The following FAIM2 variants were observed in gnomAD, a reference collection of about 807,000 sequenced individuals.
The protein encoded by FAIM2 is Fas apoptotic inhibitory molecule 2.
Under a neutral mutation model 47.4 loss-of-function variants are expected in FAIM2, and 27 were observed. The ratio of observed to expected loss-of-function variants is 0.57; its 90% CI spans 0.42 to 0.78. The LOEUF (loss-of-function observed/expected upper bound fraction) is 0.78, where lower values mean the gene tolerates loss of function less well. Among genes scored for constraint, FAIM2 ranks in the 30% least tolerant of loss-of-function variants. The pLI, the probability that FAIM2 is intolerant of heterozygous loss-of-function variation, is 0.00. For missense variants in FAIM2, 311 were observed against 389.4 expected, an observed-to-expected ratio of 0.80 and a Z score of 1.69; for synonymous variants, 156 against 159.3, an observed-to-expected ratio of 0.98 and a Z score of 0.16.
chr12:49,875,424 A>AGGGTGAGG (rs1946729531), intron 11 of FAIM2, among the ~76,000 whole-genome samples: 1 of 151,992 alleles, frequency 6.6e-6, no homozygotes, highest in African/African-American at 2.4e-5. Context: ...GCTGCAGGAG[A>AGGGTGAGG]GGGTGAGGGG....
Position 49,878,758 on chromosome 12 carries a change from ATATT to A in FAIM2, c.802-8109_802-8106del, listed in dbSNP as rs371143855. 1.2e-3 allele frequency among the ~76,000 whole-genome samples: 134 copies of A among 109,800 alleles called. 20 individuals carry two copies. Among genetic ancestry groups the A allele is most frequent in the Middle Eastern group, 5.3e-3 (1 of 188 alleles). 72.0% of individuals were successfully genotyped at this position (109,800 alleles called of 152,430 possible). A position where few individuals can be genotyped will look rare whatever the true frequency, so the allele number is the denominator to read the frequency against. On this transcript the variant is annotated intron_variant, in intron 11 of 11. Coordinates refer to ENST00000320634, the MANE Select transcript of FAIM2 (RefSeq NM_012306.4). The stretch of plus-strand genomic sequence containing the variant: ...TGTGAGTGTATATGCATATGTGTAT[ATATT>A]TATTTGTGTGCATGAGTGTATGTGT...
chr12:49,896,347 C>T (rs779768686), intron 5 of FAIM2, among the ~76,000 whole-genome samples: 9 of 152,090 alleles, frequency 5.9e-5, no homozygotes, highest in African/African-American at 1.2e-4. Flanking sequence ...AGTTACTGGC[C>T]GGGTTCCTCA....
At chr12:49,880,877 TGTGA>T (rs1391389089) in intron 11 of FAIM2, among the ~76,000 whole-genome samples, 1 of 74,724 alleles carries the variant, frequency 1.3e-5, no homozygotes, top group Non-Finnish European at 2.5e-5. Context: ...TATGCGTGAA[TGTGA>T]GTGTGTGTGT....
intron 11 of FAIM2, among the ~76,000 whole-genome samples, chr12:49,879,596 G>A (rs1168031719): frequency 6.6e-6 from 1 of 151,750 alleles, no homozygotes; most frequent in African/African-American, 2.4e-5. Flanking sequence ...GTATTTGTGT[G>A]CATGCGAGTG....
chr12:49,875,133 G>T (rs1434107253), intron 11 of FAIM2, among the ~76,000 whole-genome samples: 3 of 152,138 alleles, frequency 2.0e-5, no homozygotes, highest in Non-Finnish European at 4.4e-5. Flanking sequence ...TGAAATATGT[G>T]AATAAATGTA....
chr12:49,900,594 G>C (rs1424887872), intron 2 of FAIM2, among the ~76,000 whole-genome samples: 2 of 152,114 alleles, frequency 1.3e-5, no homozygotes, highest in Non-Finnish European at 2.9e-5. Flanking sequence ...ACGGGCTCGG[G>C]GAAGGGAACA....
intron 2 of FAIM2, among the ~76,000 whole-genome samples, chr12:49,899,197 G>A (rs900304010): frequency 3.9e-5 from 6 of 152,146 alleles, no homozygotes; most frequent in Non-Finnish European, 7.3e-5. Flanking sequence ...CGAAATGAAA[G>A]CCTATGCTCT....
At chr12:49,900,068 GC>G in intron 2 of FAIM2, 1 of 474,768 alleles carries the variant, frequency 2.1e-6, no homozygotes, top group Non-Finnish European at 3.6e-6. Flanking sequence ...AGCCCAGGTG[GC>G]CAGGCCACAG....
chr12:49,878,951 CATGTGTATATGTGCGT>C (rs1215167405), intron 11 of FAIM2, among the ~76,000 whole-genome samples: 2 of 123,296 alleles, frequency 1.6e-5, no homozygotes, highest in African/African-American at 6.2e-5. Context: ...TGTGTATGTT[CATGTGTATATGTGCGT>C]ATGTGTATAT....
Position 49,901,213 on chromosome 12 carries a change from G to A in FAIM2, c.128C>T (p.Ser43Phe). The change falls in exon 2 of 12, where the codon TCT becomes TTT. Residue 43 changes from serine to phenylalanine, a missense_variant. Ser to Phe is a radical substitution (Grantham distance 155). Coordinates refer to ENST00000320634, the MANE Select transcript of FAIM2 (RefSeq NM_012306.4). ...GGCCCCTGCCTTCATCCCCTCCCCA[G>A]AGGTGGCTTCCTCATAGGAGGGTGG... is the stretch of plus-strand genomic sequence containing the variant. ...SAPPSYEEAT[S>F]GEGMKAGAFP... is the part of the protein sequence containing the mutation. The A allele has an allele frequency of 1.2e-6, 2 of 1,612,100 alleles. No homozygotes were observed. Among genetic ancestry groups the A allele is most frequent in the Non-Finnish European group, 1.7e-6 (2 of 1,179,162 alleles).
chr12:49,886,118 T>C, intron 11 of FAIM2, among the ~76,000 whole-genome samples: 1 of 152,236 alleles, frequency 6.6e-6, no homozygotes, highest in Non-Finnish European at 1.5e-5. Flanking sequence ...GGGGAGAGTC[T>C]GGTTACTGCT....
intron 1 of FAIM2, chr12:49,901,645 C>A: frequency 3.9e-6 from 1 of 254,260 alleles, no homozygotes; most frequent in Non-Finnish European, 7.4e-6. Flanking sequence ...AGAAAAGAGC[C>A]TGGCACATAG....
At chr12:49,882,221 C>T (rs543195695) in intron 11 of FAIM2, among the ~76,000 whole-genome samples, 17 of 152,240 alleles carry the variant, frequency 1.1e-4, no homozygotes, top group South Asian at 2.1e-4. Context: ...CCAAAGGCTA[C>T]GGTGGGAGAG....
In FAIM2 at chr12:49,894,198, C is replaced by T. The variant is rs543414725; in HGVS notation, c.434+2833G>A. Among the ~76,000 whole-genome samples, 3 of 152,338 alleles carry T rather than the reference C, an allele frequency of 2.0e-5. No homozygotes were observed. The South Asian group carries it at 6.2e-4, about 32-fold the overall frequency. ...TGGCCTGTTGGGAGGACTGATGAGA[C>T]AGCACAGTTCAAGCACTTTGCGTGG... On this transcript the variant is annotated intron_variant, in intron 5 of 11. Coordinates refer to ENST00000320634, the MANE Select transcript of FAIM2 (RefSeq NM_012306.4).
chr12:49,882,784 A>G (rs1208201953), intron 11 of FAIM2, among the ~76,000 whole-genome samples: 1 of 152,102 alleles, frequency 6.6e-6, no homozygotes, highest in African/African-American at 2.4e-5. Flanking sequence ...CATGCCACAA[A>G]CATCTCCTGG....
At chr12:49,879,719 T>C (rs1161202339) in intron 11 of FAIM2, among the ~76,000 whole-genome samples, 2 of 151,634 alleles carry the variant, frequency 1.3e-5, no homozygotes, top group East Asian at 1.9e-4. Flanking sequence ...TGTGTGTATA[T>C]GTGCAAGTGT....
chr12:49,877,380 CA>C (rs1316643221), intron 11 of FAIM2, among the ~76,000 whole-genome samples: 1 of 152,196 alleles, frequency 6.6e-6, no homozygotes, highest in Non-Finnish European at 1.5e-5. Context: ...GGGGAGGCCT[CA>C]GGGGAGGCAT....
intron 11 of FAIM2, among the ~76,000 whole-genome samples, chr12:49,880,279 T>G (rs1244205650): frequency 2.0e-5 from 3 of 150,818 alleles, no homozygotes; most frequent in African/African-American, 7.4e-5. Flanking sequence ...TGTATATGTA[T>G]GCATATGAGT....
chr12:49,878,104 ATGTG>A (rs764524666), intron 11 of FAIM2, among the ~76,000 whole-genome samples: 39 of 119,366 alleles, frequency 3.3e-4, no homozygotes, highest in African/African-American at 1.1e-3. Flanking sequence ...ATGTGTGTGC[ATGTG>A]TGTATGTGGG....
Sources: allele counts gnomAD v4.1 joint callset (sites outside exome capture counted in the v4.1 genomes callset), GRCh38; gene constraint gnomAD v4.1.1; transcripts MANE v1.5; gene names NCBI Gene and HGNC (gene_info 2026-07-23, HGNC 2026-07-21).